The following MED24 variants were observed in gnomAD, a reference collection of about 807,000 sequenced individuals.
MED24 encodes mediator complex subunit 24.
Under a neutral mutation model 118.8 loss-of-function variants are expected in MED24, and 74 were observed. The observed-to-expected ratio is 0.62, with a 90% CI of 0.52 to 0.76. MED24 has a LOEUF of 0.76. MED24 is among the 30% of genes least tolerant of loss of function. MED24 has a pLI of 0.00. For missense variants in MED24, 1,041 were observed against 1,278.9 expected (o/e 0.81, Z 2.84); for synonymous variants, 521 against 523.9 (o/e 0.99, Z 0.08).
At chr17:40,029,987 G>A (rs1302380303) in intron 12 of MED24, 128 bp from the exon 13 acceptor site, 2 of 745,860 alleles carry the variant, frequency 2.7e-6, no homozygotes, top group Non-Finnish European at 4.6e-6. Flanking sequence ...CTCCGAGGTT[G>A]GGGTGAAGTT....
intron 10 of MED24, among the ~76,000 whole-genome samples, 192 bp downstream of exon 10, chr17:40,031,851 C>G (rs933580661): frequency 6.8e-6 from 1 of 146,108 alleles, no homozygotes; most frequent in Non-Finnish European, 1.5e-5. Flanking sequence ...CACGCACACA[C>G]TGAAGCACAC....
At chr17:40,039,784 T>A (rs1057361888) in intron 3 of MED24, among the ~76,000 whole-genome samples, 39 of 146,980 alleles carry the variant, frequency 2.7e-4, no homozygotes, top group African/African-American at 8.3e-4. Context: ...ATGCTTAATT[T>A]TTTTTTTTTT....
rs1219556893 is a variant in MED24 at position 40,032,704 on chromosome 17, A to G, written c.881T>C (p.Ile294Thr). ...EIWKACFVGL[I>T]ESPEGTEELK... is the part of the protein sequence containing the mutation. ...CTCCTCCGTACCCTCGGGAGACTCAATGAGCCCCACGAAGCAAGCTTTCCA... is the reference window on the plus strand; with the variant it reads ...CTCCTCCGTACCCTCGGGAGACTCAGTGAGCCCCACGAAGCAAGCTTTCCA... The change falls in exon 9 of 26, where the codon ATT (isoleucine) becomes ACT (threonine). Residue 294 changes from isoleucine (I) to threonine (T), a missense_variant. By Grantham distance (89) the Ile-to-Thr change is moderately conservative (BLOSUM62 -1). Transcript: ENST00000394128. 8 of 1,613,882 alleles carry G rather than the reference A, an allele frequency of 5.0e-6. No homozygotes were observed. The highest frequency in any genetic ancestry group is 2.7e-5 in the African/African-American group (2 of 75,016).
At chr17:40,049,035 T>C (rs2144991422) in intron 3 of MED24, among the ~76,000 whole-genome samples, 1 of 152,050 alleles carries the variant, frequency 6.6e-6, no homozygotes, top group African/African-American at 2.4e-5. Flanking sequence ...GTCTCAAAAT[T>C]TTGAAGACTG....
Position 40,026,922 on chromosome 17 carries a change from C to A in MED24, c.1643G>T (p.Arg548Leu), listed in dbSNP as rs138072890. ...GGACTCCACTTTGGTGGAGTCGGGG[C>A]GGAAGCAGGGGTGGTCAGGGTTCAG... Reference protein sequence around the residue: ...KILNPDHPCFRPDSTKVESLV... With the variant: ...KILNPDHPCFLPDSTKVESLV... The change falls in exon 17 of 26, where the codon CGC becomes CTC. Residue 548 changes from arginine (R) to leucine (L), a missense_variant. By Grantham distance (102) the Arg-to-Leu change is moderately radical. This residue lies in a region of MED24 where 587 missense variants were observed against 694.4 expected (regional missense o/e 0.85). Coordinates refer to ENST00000394128, the MANE Select transcript of MED24 (RefSeq NM_014815.4). 3 of 1,614,048 alleles carry A rather than the reference C, an allele frequency of 1.9e-6. No individual in the cohort carries two copies. The highest frequency in any genetic ancestry group is 1.7e-5 in the Admixed American group (1 of 59,996).
intron 10 of MED24, 119 bp downstream of exon 10, chr17:40,031,924 G>T: frequency 8.5e-7 from 1 of 1,171,068 alleles, no homozygotes; most frequent in Non-Finnish European, 1.2e-6. Context: ...GCACGCTGAG[G>T]TGTACACTCA....
At chr17:40,027,324 GA>G in intron 16 of MED24, 58 bp downstream of exon 16, 1 of 1,534,678 alleles carries the variant, frequency 6.5e-7, no homozygotes, top group Non-Finnish European at 8.9e-7. Context: ...GTGAGGTGGG[GA>G]GAGTTCCGGG....
At chr17:40,032,468 A>G in intron 9 of MED24, 181 bp downstream of exon 9, 1 of 594,600 alleles carries the variant, frequency 1.7e-6, no homozygotes, top group Non-Finnish European at 3.0e-6. Context: ...GAGTCTGCCA[A>G]ATGGGCTAAA....
chr17:40,031,460 G>A, intron 11 of MED24, 78 bp downstream of exon 11: 1 of 1,433,394 alleles, frequency 7.0e-7, no homozygotes, highest in South Asian at 1.2e-5. Context: ...AGTCCCCTGA[G>A]GCTTCTCTGG....
At chr17:40,027,130 C>T (rs1444936471) in intron 16 of MED24, 96 bp from the exon 17 acceptor site, 5 of 1,459,070 alleles carry the variant, frequency 3.4e-6, no homozygotes, top group Non-Finnish European at 4.7e-6. Flanking sequence ...CAGGCTGCTG[C>T]TCCAGCCCAG....
chr17:40,039,599 T>C (rs1302760709), intron 3 of MED24, among the ~76,000 whole-genome samples: 1 of 152,172 alleles, frequency 6.6e-6, no homozygotes, highest in Non-Finnish European at 1.5e-5. Context: ...CCTCTTTCTC[T>C]TTCTTCCCTT....
At chr17:40,047,688 C>A (rs1370888943) in intron 3 of MED24, among the ~76,000 whole-genome samples, 1 of 147,228 alleles carries the variant, frequency 6.8e-6, no homozygotes, top group Non-Finnish European at 1.5e-5. Context: ...AAACAAAAAA[C>A]AAAAAACAAC....
At position 40,022,002 on chromosome 17, in the gene MED24, C is replaced by G. The variant is rs150685127; in HGVS notation, c.2576G>C (p.Arg859Pro). ...ATCGTCCTCATTAGAGCTCAGCAGT[C>G]GCATCAACTTCGAAGGCTGCACATC... ...LDDVQPSKLM[R>P]LLSSNEDDAN... The change falls in exon 23 of 26, where the codon CGA (arginine) becomes CCA (proline). Residue 859 changes from arginine to proline, a missense_variant. Physicochemically the swap from Arg to Pro is moderately radical, Grantham distance 103 (BLOSUM62 -2). Transcript: ENST00000394128. 1 of 1,611,892 alleles carries G rather than the reference C, an allele frequency of 6.2e-7. No homozygotes were observed. Among genetic ancestry groups the G allele is most frequent in the East Asian group, 2.2e-5 (1 of 44,734 alleles).
At chr17:40,019,973 T>A (rs1220690979) in intron 24 of MED24, 40 bp from the exon 25 acceptor site, 2 of 1,547,722 alleles carry the variant, frequency 1.3e-6, no homozygotes, top group Non-Finnish European at 1.7e-6. Flanking sequence ...GGGAGTTCCA[T>A]GAGAGTGGGT....
At chr17:40,045,744 C>A (rs1985102066) in intron 3 of MED24, among the ~76,000 whole-genome samples, 1 of 152,218 alleles carries the variant, frequency 6.6e-6, no homozygotes, top group Non-Finnish European at 1.5e-5. Context: ...CCACTGCACT[C>A]CAGCCTGGGC....
rs375578445 is a variant in MED24 at position 40,027,078 on chromosome 17, G to A, written c.1531-44C>T. 1.7e-5 allele frequency: 27 copies of A among 1,602,720 alleles called. No homozygotes were observed. In the Admixed American group the frequency reaches 1.9e-4, roughly 11 times the overall value. ...GGCACCAGCCGAGTGGGGAGGGCGCGGCGCCTGCCAGCGCTGGACCTGGGG... is the reference window on the plus strand; with the variant it reads ...GGCACCAGCCGAGTGGGGAGGGCGCAGCGCCTGCCAGCGCTGGACCTGGGG... On this transcript the variant is annotated intron_variant, in intron 16 of 25. Coordinates refer to ENST00000394128, the MANE Select transcript of MED24 (RefSeq NM_014815.4).
intron 3 of MED24, among the ~76,000 whole-genome samples, chr17:40,052,061 A>T (rs1438145321): frequency 1.3e-5 from 2 of 151,792 alleles, no homozygotes; most frequent in African/African-American, 4.8e-5. Context: ...TTGGGAGGCC[A>T]AGGCGGGCGG....
At chr17:40,019,703 A>G (rs1853957294) in intron 25 of MED24, 58 bp from the exon 26 acceptor site, 1 of 1,582,852 alleles carries the variant, frequency 6.3e-7, no homozygotes. Flanking sequence ...GTGCTGTCCC[A>G]GGGGGAAGGA....
chr17:40,044,310 A>G (rs1984914053), intron 3 of MED24, among the ~76,000 whole-genome samples: 1 of 152,036 alleles, frequency 6.6e-6, no homozygotes, highest in Non-Finnish European at 1.5e-5. Context: ...ACATGAGGTC[A>G]GGAGCTTGAG....
Sources: allele counts gnomAD v4.1 joint callset (sites outside exome capture counted in the v4.1 genomes callset), GRCh38; gene constraint gnomAD v4.1.1; regional missense constraint gnomAD v4.1.1; transcripts MANE v1.5; gene names NCBI Gene and HGNC (gene_info 2026-07-23, HGNC 2026-07-21).